ACSBG2: variants seen among roughly 807,000 people sequenced by gnomAD.
ACSBG2 encodes long-chain-fatty-acid--CoA ligase ACSBG2.
A neutral mutation model predicts 74.7 loss-of-function variants in ACSBG2; 62 were observed. The observed-to-expected ratio is 0.83, with a 90% CI of 0.68 to 1.03. ACSBG2 has a LOEUF of 1.03. ACSBG2 is among the 50% of genes least tolerant of loss of function. ACSBG2 has a pLI of 0.00. For missense variants in ACSBG2, 730 were observed against 817.6 expected (o/e 0.89, Z 1.31); for synonymous variants, 309 against 294.1 (o/e 1.05, Z -0.52).
At chr19:6,156,153 T>C (rs973407060) in intron 4 of ACSBG2, among the ~76,000 whole-genome samples, 3 of 152,104 alleles carry the variant, frequency 2.0e-5, no homozygotes, top group African/African-American at 7.2e-5. Context: ...TAATCTTGAG[T>C]GACTTCACTG....
chr19:6,154,415 A>AGG, intron 4 of ACSBG2, among the ~76,000 whole-genome samples: 1 of 87,870 alleles, frequency 1.1e-5, no homozygotes, highest in Non-Finnish European at 2.7e-5. Context: ...AGAGAGAGAG[A>AGG]GAGAGAGAGA....
chr19:6,177,927 T>C (rs2090134076), intron 8 of ACSBG2, among the ~76,000 whole-genome samples: 1 of 151,186 alleles, frequency 6.6e-6, no homozygotes, highest in African/African-American at 2.4e-5. Context: ...TATAAGTCAG[T>C]ATTCCCAAAT....
At chr19:6,164,912 G>T (rs1462276420) in intron 6 of ACSBG2, among the ~76,000 whole-genome samples, 2 of 152,128 alleles carry the variant, frequency 1.3e-5, no homozygotes, top group Non-Finnish European at 2.9e-5. Flanking sequence ...GGGTTTGAAT[G>T]CTAGCTCCTC....
In ACSBG2 at chr19:6,166,280, T is replaced by TTGTGTGTGTGTGTGTGTGTGTG. The variant is rs35422900; in HGVS notation, c.738+295_738+316dup. ...GATTCCTCTGTGTGAGTCAGGAAGG[T>TTGTGTGTGTGTGTGTGTGTGTG]TGTGTGTGTGTGTGTGTGTGTGTGT... On this transcript the variant is annotated intron_variant, in intron 7 of 14. Transcript: ENST00000588485. Among the ~76,000 whole-genome samples, 738 of 119,110 alleles carry TTGTGTGTGTGTGTGTGTGTGTG rather than the reference T, an allele frequency of 6.2e-3. 51 individuals are homozygous for TTGTGTGTGTGTGTGTGTGTGTG. Among genetic ancestry groups the TTGTGTGTGTGTGTGTGTGTGTG allele is most frequent in the African/African-American group, 0.021 (568 of 26,546 alleles). The allele number at this position is 119,110 out of a possible 152,430, so 78.1% of individuals were successfully genotyped here.
At chr19:6,141,951 G>T (rs534255188) in intron 2 of ACSBG2, among the ~76,000 whole-genome samples, 44 of 152,198 alleles carry the variant, frequency 2.9e-4, no homozygotes, top group African/African-American at 1.1e-3. Flanking sequence ...GGCTGGTCTT[G>T]AACTCCTGGG....
chr19:6,187,841 G>A lies in ACSBG2; in HGVS notation c.1923G>A (p.Glu641=). The change falls in exon 13 of 15, where the codon GAG becomes GAA. Residue 641 remains glutamate, a synonymous_variant. Coordinates refer to ENST00000588485, the MANE Select transcript of ACSBG2 (RefSeq NM_030924.5). ...AGGACTTTTCCATCTATGGTGGAGA[G>A]CTAGGTGAGTGGCCATGACATTTGG... ...LEKDFSIYGG[E]LGPMMKLKRH... is the part of the protein sequence containing the mutation. The A allele has an allele frequency of 6.2e-7, 1 of 1,613,126 alleles. No homozygotes were observed. The highest frequency in any genetic ancestry group is 2.2e-5 in the East Asian group (1 of 44,814).
chr19:6,148,384 G>A (rs2089119188), intron 3 of ACSBG2: 1 of 152,990 alleles, frequency 6.5e-6, no homozygotes, highest in Non-Finnish European at 1.5e-5. Flanking sequence ...AGTGGCTCAT[G>A]TCTGTAATCC....
rs1416388739 is a variant in ACSBG2, at chr19:6,193,014, C to T, written c.*382C>T. 1 of 152,174 alleles carries T rather than the reference C, an allele frequency of 6.6e-6. No individual in the cohort carries two copies. The highest frequency in any genetic ancestry group is 1.5e-5 in the Non-Finnish European group (1 of 68,042). 9.4% of individuals were successfully genotyped at this position (152,174 alleles called of 1,614,324 possible). On this transcript the variant is annotated 3_prime_UTR_variant, in exon 15 of 15. Coordinates refer to ENST00000588485, the MANE Select transcript of ACSBG2 (RefSeq NM_030924.5). ...AGCCTCACAGATTTGAAGAACTGGACCCCCAAATCAACTCACCTGCCTGGA... is the reference window on the plus strand; with the variant it reads ...AGCCTCACAGATTTGAAGAACTGGATCCCCAAATCAACTCACCTGCCTGGA...
chr19:6,158,782 C>T (rs919113346), intron 5 of ACSBG2, among the ~76,000 whole-genome samples: 2 of 152,120 alleles, frequency 1.3e-5, no homozygotes, highest in Non-Finnish European at 2.9e-5. Flanking sequence ...AATTTGGGTA[C>T]AGTTTCCAGA....
At chr19:6,176,507 CA>C in intron 7 of ACSBG2, 1 of 805,968 alleles carries the variant, frequency 1.2e-6, no homozygotes. Flanking sequence ...CACACACACA[CA>C]CACGCACTCA....
At chr19:6,149,302 C>T (rs2089151624) in intron 3 of ACSBG2, among the ~76,000 whole-genome samples, 1 of 152,038 alleles carries the variant, frequency 6.6e-6, no homozygotes, top group Non-Finnish European at 1.5e-5. Context: ...CAGGCAAATG[C>T]CTTCCAAATG....
intron 1 of ACSBG2, among the ~76,000 whole-genome samples, chr19:6,139,168 A>G (rs920332484): frequency 6.6e-6 from 1 of 151,770 alleles, no homozygotes; most frequent in Non-Finnish European, 1.5e-5. Context: ...GCTCACTACA[A>G]CCTTCACCTC....
In ACSBG2 at chr19:6,166,280, TTGTGTGTGTG is replaced by T. The variant is rs35422900; in HGVS notation, c.738+307_738+316del. On this transcript the variant is annotated intron_variant, in intron 7 of 14. Transcript: ENST00000588485. The stretch of plus-strand genomic sequence containing the variant: ...GATTCCTCTGTGTGAGTCAGGAAGG[TTGTGTGTGTG>T]TGTGTGTGTGTGTGTGTGTGTGTGT... 1.3e-3 allele frequency among the ~76,000 whole-genome samples: 150 copies of T among 119,138 alleles called. 1 individual carries two copies. The highest frequency in any genetic ancestry group is 6.3e-3 in the South Asian group (21 of 3,356). 78.2% of individuals were successfully genotyped at this position (119,138 alleles called of 152,430 possible). A position where few individuals can be genotyped will look rare whatever the true frequency, so the allele number is the denominator to read the frequency against.
At position 6,185,604 on chromosome 19, in the gene ACSBG2, G is replaced by A. The variant is rs769045515; in HGVS notation, c.1491G>A (p.Leu497=). The part of the protein sequence containing the change: ...DDEGWLHSGD[L]GQLDGLGFLY... Reference sequence around the variant, plus strand: ...AAGGCTGGCTACACTCTGGGGATCTGGGCCAGCTGGACGGTCTGGGTTTCC... The same window carrying A: ...AAGGCTGGCTACACTCTGGGGATCTAGGCCAGCTGGACGGTCTGGGTTTCC... The change falls in exon 11 of 15, where the codon CTG becomes CTA. Residue 497 remains leucine (L), a synonymous_variant. Coordinates refer to ENST00000588485, the MANE Select transcript of ACSBG2 (RefSeq NM_030924.5). 40 of 1,614,044 alleles carry A rather than the reference G, an allele frequency of 2.5e-5. No homozygotes were observed. Among genetic ancestry groups the A allele is most frequent in the Non-Finnish European group, 3.3e-5 (39 of 1,180,012 alleles).
At chr19:6,177,906 GTGTGTGTGT>G (rs1158178432) in intron 8 of ACSBG2, among the ~76,000 whole-genome samples, 1 of 151,472 alleles carries the variant, frequency 6.6e-6, no homozygotes, top group Non-Finnish European at 1.5e-5. Flanking sequence ...GTGTGTGTGT[GTGTGTGTGT>G]TTATAAGTCA....
Position 6,174,546 on chromosome 19 carries a change from T to C in ACSBG2, c.739-2683T>C, listed in dbSNP as rs1207830822. 6.6e-6 allele frequency among the ~76,000 whole-genome samples: 1 copy of C among 152,214 alleles called. No homozygotes were observed. The highest frequency in any genetic ancestry group is 1.5e-5 in the Non-Finnish European group (1 of 68,028). ...GTATTTGGCTGGGTGCAGTGGCTTA[T>C]GTATGTAATCCCAGCACTTTGGGAG... On this transcript the variant is annotated intron_variant, in intron 7 of 14. Coordinates refer to ENST00000588485, the MANE Select transcript of ACSBG2 (RefSeq NM_030924.5). The surrounding 1 kb of genome is among the most constrained non-coding windows in gnomAD (Gnocchi z 4.2).
At chr19:6,136,417 G>A (rs1357509928) in intron 1 of ACSBG2, among the ~76,000 whole-genome samples, 2 of 151,512 alleles carry the variant, frequency 1.3e-5, no homozygotes, top group African/African-American at 4.9e-5. Context: ...TAGTAGAGAT[G>A]GGGTTTCGCC....
At chr19:6,137,069 C>T (rs990247402) in intron 1 of ACSBG2, among the ~76,000 whole-genome samples, 3 of 151,934 alleles carry the variant, frequency 2.0e-5, no homozygotes, top group Non-Finnish European at 2.9e-5. Context: ...TTTCATACTC[C>T]GGATACTAAT....
intron 6 of ACSBG2, among the ~76,000 whole-genome samples, chr19:6,164,429 G>A (rs904669818): frequency 2.0e-4 from 29 of 148,688 alleles, no homozygotes; most frequent in African/African-American, 7.0e-4. Flanking sequence ...AGGACTTTGA[G>A]GGGCCTTTTT....
Sources: gnomAD v4.1 joint callset for allele counts (sites outside exome capture counted in the v4.1 genomes callset) on GRCh38, gnomAD v4.1.1 for gene constraint, Gnocchi (gnomAD v3.1) non-coding constraint, MANE v1.5 for transcripts, NCBI Gene and HGNC (gene_info 2026-07-23, HGNC 2026-07-21) for gene names.